The following IMMP2L variants were observed in gnomAD, a reference collection of about 807,000 sequenced individuals.
IMMP2L encodes mitochondrial inner membrane protease subunit 2.
Under a neutral mutation model 19.3 loss-of-function variants are expected in IMMP2L, and 18 were observed. That is an observed-to-expected ratio of 0.93 (90% CI 0.64 to 1.38). The LOEUF (loss-of-function observed/expected upper bound fraction) is 1.38, where lower values mean the gene tolerates loss of function less well. Ranked by LOEUF, IMMP2L falls within the 40% of genes most tolerant of loss-of-function variation. The probability of loss-of-function intolerance (pLI) is 0.00; values close to 1 mark genes in which losing one functional copy is unlikely to be tolerated. For missense variants in IMMP2L, 233 were observed against 218.2 expected (o/e 1.07, Z -0.43); for synonymous variants, 76 against 73.0 (o/e 1.04, Z -0.21).
intron 3 of IMMP2L, among the ~76,000 whole-genome samples, chr7:111,088,630 C>T (rs1427355328): frequency 6.6e-6 from 1 of 152,124 alleles, no homozygotes; most frequent in Non-Finnish European, 1.5e-5. Context: ...CAACTGTGTG[C>T]TAAGATTCCA....
At chr7:111,007,302 G>A (rs1824394991) in intron 3 of IMMP2L, among the ~76,000 whole-genome samples, 1 of 152,058 alleles carries the variant, frequency 6.6e-6, no homozygotes, top group Non-Finnish European at 1.5e-5. Flanking sequence ...GGACATGTCA[G>A]GATTACAATT....
chr7:110,858,378 T>C (rs1045145207), intron 5 of IMMP2L, among the ~76,000 whole-genome samples: 2 of 151,904 alleles, frequency 1.3e-5, no homozygotes, highest in African/African-American at 4.8e-5. Context: ...CAGACTAAAG[T>C]TTTTGCAACA....
intron 3 of IMMP2L, among the ~76,000 whole-genome samples, chr7:111,430,150 C>A (rs1414441602): frequency 6.6e-6 from 1 of 151,840 alleles, no homozygotes; most frequent in South Asian, 2.1e-4. Context: ...ATTTGAAATT[C>A]TTATTATAAT....
chr7:111,168,017 C>T (rs541362398), intron 3 of IMMP2L, among the ~76,000 whole-genome samples: 1 of 151,934 alleles, frequency 6.6e-6, no homozygotes, highest in East Asian at 1.9e-4. Flanking sequence ...GAGATTTCTA[C>T]TTACTTTATT....
rs937175143 is a variant in IMMP2L, at chr7:110,727,404, A to C, written c.409-63683T>G. On this transcript the variant is annotated intron_variant, in intron 5 of 5. Coordinates refer to ENST00000405709, the MANE Select transcript of IMMP2L (RefSeq NM_032549.4). The surrounding 1 kb of genome is among the most constrained non-coding windows in gnomAD (Gnocchi z 4.3). ...AGACTCTGTCTCTAAATAAATAAAT[A>C]AATAAATAAATAAATATTAAAAATC... Among the ~76,000 whole-genome samples the C allele has an allele frequency of 6.6e-6, 1 of 151,936 alleles. No homozygotes were observed. Among genetic ancestry groups the C allele is most frequent in the Non-Finnish European group, 1.5e-5 (1 of 67,992 alleles).
intron 3 of IMMP2L, among the ~76,000 whole-genome samples, chr7:111,427,319 G>T (rs1563178519): frequency 6.6e-6 from 1 of 151,584 alleles, no homozygotes; most frequent in Non-Finnish European, 1.5e-5. Flanking sequence ...TAAGCCAAAT[G>T]AAATGCTTTG....
intron 3 of IMMP2L, among the ~76,000 whole-genome samples, chr7:111,421,026 G>C (rs1052132171): frequency 2.0e-5 from 3 of 151,824 alleles, no homozygotes; most frequent in Non-Finnish European, 4.4e-5. Context: ...CCCACCAACA[G>C]TGTAAAAGCA....
At chr7:111,149,079 C>T (rs892619726) in intron 3 of IMMP2L, among the ~76,000 whole-genome samples, 9 of 151,942 alleles carry the variant, frequency 5.9e-5, no homozygotes, top group East Asian at 1.9e-4. Flanking sequence ...TTAAAGAGTA[C>T]GTTAAAAGTA....
chr7:111,458,705 T>G (rs1435245721), intron 3 of IMMP2L, among the ~76,000 whole-genome samples: 1 of 152,090 alleles, frequency 6.6e-6, no homozygotes, highest in Non-Finnish European at 1.5e-5. Flanking sequence ...ATATTCTCCT[T>G]CATCTTGATT....
chr7:111,405,522 A>T (rs1296126948), intron 3 of IMMP2L, among the ~76,000 whole-genome samples: 3 of 152,226 alleles, frequency 2.0e-5, no homozygotes, highest in Non-Finnish European at 4.4e-5. Context: ...AATATCAGAG[A>T]AACAATATGT....
intron 4 of IMMP2L, among the ~76,000 whole-genome samples, chr7:110,903,693 T>C (rs1326546975): frequency 1.3e-5 from 2 of 152,316 alleles, no homozygotes; most frequent in South Asian, 2.1e-4. Context: ...TGCTGTCTGA[T>C]GTGAAAAGTG....
intron 3 of IMMP2L, among the ~76,000 whole-genome samples, chr7:111,181,286 A>C (rs960352206): frequency 2.0e-5 from 3 of 152,036 alleles, no homozygotes; most frequent in African/African-American, 7.2e-5. Context: ...AGAATGGATA[A>C]TATTTCCCCA....
At chr7:111,093,535 C>T (rs980060564) in intron 3 of IMMP2L, among the ~76,000 whole-genome samples, 1 of 152,130 alleles carries the variant, frequency 6.6e-6, no homozygotes, top group Non-Finnish European at 1.5e-5. Flanking sequence ...GCATGCCAGA[C>T]ACACATTCTT....
chr7:110,869,062 TATAA>T (rs1279257378), intron 5 of IMMP2L, among the ~76,000 whole-genome samples: 1 of 152,122 alleles, frequency 6.6e-6, no homozygotes, highest in Admixed American at 6.6e-5. Context: ...ATTTTTACTA[TATAA>T]ATAGTTTCTT....
At chr7:111,161,425 TA>T (rs1466111540) in intron 3 of IMMP2L, among the ~76,000 whole-genome samples, 5 of 152,002 alleles carry the variant, frequency 3.3e-5, no homozygotes, top group Non-Finnish European at 1.5e-5. Flanking sequence ...AAGGGGATTA[TA>T]ATTAAAGGAA....
intron 3 of IMMP2L, among the ~76,000 whole-genome samples, chr7:111,253,414 AG>A (rs1816358862): frequency 6.6e-6 from 1 of 152,148 alleles, no homozygotes; most frequent in South Asian, 2.1e-4. Context: ...GAGGGCTGTC[AG>A]GGAAGAGGTA....
chr7:111,310,274 ATT>A (rs113757324), intron 3 of IMMP2L, among the ~76,000 whole-genome samples: 3 of 146,716 alleles, frequency 2.0e-5, no homozygotes, highest in South Asian at 2.2e-4. Flanking sequence ...CACATGCTTA[ATT>A]TTTTTTTTTT....
At chr7:111,540,684 T>C (rs1007425910) in intron 1 of IMMP2L, among the ~76,000 whole-genome samples, 5 of 152,310 alleles carry the variant, frequency 3.3e-5, no homozygotes, top group East Asian at 1.9e-4. Flanking sequence ...CTAAAGGGTA[T>C]ACATAGGTCA....
At chr7:111,241,153 C>T (rs1218588685) in intron 3 of IMMP2L, among the ~76,000 whole-genome samples, 1 of 151,854 alleles carries the variant, frequency 6.6e-6, no homozygotes, top group Non-Finnish European at 1.5e-5. Context: ...TTTCAAAAAA[C>T]TATTAATTTA....
Sources: allele counts gnomAD v4.1 joint callset (sites outside exome capture counted in the v4.1 genomes callset), GRCh38; gene constraint gnomAD v4.1.1; non-coding constraint Gnocchi (gnomAD v3.1); transcripts MANE v1.5; gene names NCBI Gene and HGNC (gene_info 2026-07-23, HGNC 2026-07-21).